The following SCHIP1 variants were observed in gnomAD, a reference collection of about 807,000 sequenced individuals.
The protein encoded by SCHIP1 is schwannomin-interacting protein 1.
A neutral mutation model predicts 29.7 loss-of-function variants in SCHIP1; 8 were observed. The observed-to-expected ratio is 0.27, with a 90% CI of 0.16 to 0.49. SCHIP1 has a LOEUF of 0.49. SCHIP1 is among the 20% of genes least tolerant of loss of function. The pLI is 0.99. For missense variants in SCHIP1, 193 were observed against 294.6 expected (o/e 0.66, Z 2.52); for synonymous variants, 76 against 94.9 (o/e 0.80, Z 1.16).
At chr3:159,479,809 T>C in the SCHIP1 span, among the ~76,000 whole-genome samples, 1 of 152,188 alleles carries the variant, frequency 6.6e-6, no homozygotes, top group East Asian at 1.9e-4. Flanking sequence ...AATGGATTTG[T>C]TGTTTGTGAA....
chr3:159,307,106 A>T, the SCHIP1 span, among the ~76,000 whole-genome samples: 1 of 152,230 alleles, frequency 6.6e-6, no homozygotes, highest in Admixed American at 6.5e-5. Flanking sequence ...GAAAAGGTTA[A>T]ATTACAATAC....
At chr3:159,294,312 G>T in the SCHIP1 span, among the ~76,000 whole-genome samples, 1 of 152,078 alleles carries the variant, frequency 6.6e-6, no homozygotes, top group African/African-American at 2.4e-5. Flanking sequence ...TTCCATCTCT[G>T]CCTCAATAGT....
the SCHIP1 span, among the ~76,000 whole-genome samples, chr3:159,698,168 A>G: frequency 6.6e-6 from 1 of 152,214 alleles, no homozygotes; most frequent in African/African-American, 2.4e-5. Context: ...TTCAAAGGAA[A>G]TTCTTTGAAT....
the SCHIP1 span, among the ~76,000 whole-genome samples, chr3:159,507,893 A>G: frequency 2.0e-5 from 3 of 152,214 alleles, no homozygotes; most frequent in Non-Finnish European, 2.9e-5. Context: ...GGATTTTTGC[A>G]TCGATATTCA....
At chr3:159,276,020 T>C in the SCHIP1 span, among the ~76,000 whole-genome samples, 1 of 152,198 alleles carries the variant, frequency 6.6e-6, no homozygotes, top group South Asian at 2.1e-4. Context: ...TATTTATTTA[T>C]GAAAGCCACC....
At chr3:159,455,167 T>TAGCATCCCAG in the SCHIP1 span, among the ~76,000 whole-genome samples, 2 of 152,160 alleles carry the variant, frequency 1.3e-5, no homozygotes, top group Non-Finnish European at 2.9e-5. Flanking sequence ...CTCTGTAATT[T>TAGCATCCCAG]CTTGGGGAGG....
At chr3:159,401,780 T>A in the SCHIP1 span, among the ~76,000 whole-genome samples, 1 of 152,190 alleles carries the variant, frequency 6.6e-6, no homozygotes, top group Non-Finnish European at 1.5e-5. Flanking sequence ...GTTTTTATGG[T>A]TTTAGGTCTA....
the SCHIP1 span, among the ~76,000 whole-genome samples, chr3:159,344,354 G>T: frequency 6.6e-6 from 1 of 151,852 alleles, no homozygotes; most frequent in Non-Finnish European, 1.5e-5. Flanking sequence ...TTGTATCTTG[G>T]TTTCTAATAC....
the SCHIP1 span, among the ~76,000 whole-genome samples, chr3:159,637,370 G>GCC: frequency 1.2e-4 from 8 of 69,334 alleles, no homozygotes; most frequent in African/African-American, 3.9e-4. Flanking sequence ...CCCGGCCCCA[G>GCC]CCACACACAC....
chr3:159,712,130 C>A, the SCHIP1 span, among the ~76,000 whole-genome samples: 2 of 152,122 alleles, frequency 1.3e-5, no homozygotes, highest in Non-Finnish European at 2.9e-5. Flanking sequence ...CTGATCATGC[C>A]TACCACCAGC....
the SCHIP1 span, among the ~76,000 whole-genome samples, chr3:159,794,136 T>TG: frequency 8.5e-5 from 13 of 152,222 alleles, no homozygotes; most frequent in Non-Finnish European, 1.8e-4. Context: ...TATGGGAGGA[T>TG]GGGGGGTCAT....
At chr3:159,564,746 C>T in the SCHIP1 span, among the ~76,000 whole-genome samples, 1 of 152,168 alleles carries the variant, frequency 6.6e-6, no homozygotes, top group South Asian at 2.1e-4. Flanking sequence ...ATCTGGCTTT[C>T]ACTCAACATT....
At chr3:159,304,165 C>A in the SCHIP1 span, among the ~76,000 whole-genome samples, 1 of 152,074 alleles carries the variant, frequency 6.6e-6, no homozygotes, top group African/African-American at 2.4e-5. Flanking sequence ...TCTTTCACAC[C>A]TAAAATCATA....
the SCHIP1 span, among the ~76,000 whole-genome samples, chr3:159,810,198 A>G: frequency 2.0e-5 from 3 of 152,082 alleles, no homozygotes; most frequent in African/African-American, 7.2e-5. Flanking sequence ...GGCAGGTGCC[A>G]CCACGCCCAG....
chr3:159,792,503 T>C, the SCHIP1 span, among the ~76,000 whole-genome samples: 1 of 152,366 alleles, frequency 6.6e-6, no homozygotes, highest in South Asian at 2.1e-4. Flanking sequence ...TTGATAATCA[T>C]CTATGGTTTG....
the SCHIP1 span, among the ~76,000 whole-genome samples, chr3:159,389,470 T>A: frequency 6.6e-6 from 1 of 152,034 alleles, no homozygotes; most frequent in East Asian, 1.9e-4. Flanking sequence ...GGAGGACAAT[T>A]TGGCTGCTTG....
chr3:159,432,863 G>C, the SCHIP1 span, among the ~76,000 whole-genome samples: 1 of 152,124 alleles, frequency 6.6e-6, no homozygotes, highest in Admixed American at 6.6e-5. Flanking sequence ...TTTCTTTGCA[G>C]ATTTCCTCAG....
the SCHIP1 span, among the ~76,000 whole-genome samples, chr3:159,399,737 C>T: frequency 1.3e-5 from 2 of 152,116 alleles, no homozygotes; most frequent in Non-Finnish European, 2.9e-5. Flanking sequence ...AGTGCAGTGG[C>T]ACAGTTACAG....
At chr3:159,768,550 T>A in the SCHIP1 span, 1 of 152,202 alleles carries the variant, frequency 6.6e-6, no homozygotes, top group East Asian at 1.9e-4. Flanking sequence ...AATGTTTAGG[T>A]GGGATTTAAA....
Sources: gnomAD v4.1 joint callset for allele counts (sites outside exome capture counted in the v4.1 genomes callset) on GRCh38, gnomAD v4.1.1 for gene constraint, MANE v1.5 for transcripts, NCBI Gene and HGNC (gene_info 2026-07-23, HGNC 2026-07-21) for gene names.